Variants in UQCC2 observed in about 807,000 individuals in gnomAD.
UQCC2 encodes the protein ubiquinol-cytochrome c reductase complex assembly factor 2.
Under a neutral mutation model 19.9 loss-of-function variants are expected in UQCC2, and 21 were observed. The ratio of observed to expected loss-of-function variants is 1.05; its 90% CI spans 0.75 to 1.52. The LOEUF (loss-of-function observed/expected upper bound fraction) is 1.52, where lower values mean the gene tolerates loss of function less well. Among genes scored for constraint, UQCC2 ranks in the 40% most tolerant of loss-of-function variants. The pLI, the probability that UQCC2 is intolerant of heterozygous loss-of-function variation, is 0.00. For missense variants in UQCC2, 135 were observed against 157.5 expected (o/e 0.86, Z 0.76); for synonymous variants, 57 against 60.9 (o/e 0.94, Z 0.30).
intron 1 of UQCC2, among the ~76,000 whole-genome samples, chr6:33,707,352 A>C (rs2127337508): frequency 6.6e-6 from 1 of 152,336 alleles, no homozygotes; most frequent in African/African-American, 2.4e-5. Flanking sequence ...CAACGTTGAG[A>C]TGGCTTCACC....
chr6:33,697,937 C>G (rs776394580), intron 3 of UQCC2, 187 bp from the exon 4 acceptor site: 15 of 593,162 alleles, frequency 2.5e-5, no homozygotes, highest in Admixed American at 9.1e-5. Context: ...CTTGCGGGGA[C>G]TGAGCACTGT....
At chr6:33,706,512 A>C (rs1332765546) in intron 1 of UQCC2, among the ~76,000 whole-genome samples, 1 of 152,188 alleles carries the variant, frequency 6.6e-6, no homozygotes, top group Non-Finnish European at 1.5e-5. Context: ...AGATCTGCGG[A>C]GCACGGGCCG....
chr6:33,705,431 T>C (rs1393291884), intron 1 of UQCC2, among the ~76,000 whole-genome samples: 1 of 152,278 alleles, frequency 6.6e-6, no homozygotes, highest in South Asian at 2.1e-4. Context: ...ACCAAACACC[T>C]GAGTCCTAAA....
intron 3 of UQCC2, chr6:33,698,033 G>GC (rs1765588766): frequency 2.3e-6 from 1 of 427,014 alleles, no homozygotes; most frequent in Admixed American, 4.0e-5. Context: ...GCTGCTCGTT[G>GC]CCCTGCTCCG....
At position 33,711,570 on chromosome 6, in the gene UQCC2, A is replaced by G; in HGVS notation, c.117T>C (p.Phe39=). The G allele has an allele frequency of 6.2e-7, 1 of 1,611,094 alleles. No homozygotes were observed. The highest frequency in any genetic ancestry group is 1.3e-5 in the African/African-American group (1 of 74,836). Residue 39 remains phenylalanine (F), a synonymous_variant, in exon 1 of 4, where the codon TTT becomes TTC. Transcript: ENST00000607484. The part of the protein sequence containing the change: ...AYLRQRVAQA[F]REGENTQVAE... ...TCACCTGGGTATTCTCTCCCTCCCG[A>G]AAGGCCTGTGCTACCCGCTGTCGCA...
In UQCC2 at chr6:33,705,033, C is replaced by CTTT. The variant is rs544104803; in HGVS notation, c.139-3616_139-3614dup. Among the ~76,000 whole-genome samples, 260 of 131,280 alleles carry CTTT rather than the reference C, an allele frequency of 2.0e-3. 3 individuals are homozygous for CTTT. The highest frequency in any genetic ancestry group is 6.7e-3 in the African/African-American group (242 of 35,908). The allele number at this position is 131,280 out of a possible 152,430, so 86.1% of individuals were successfully genotyped here. A position where few individuals can be genotyped will look rare whatever the true frequency, so the allele number is the denominator to read the frequency against. ...AAGTGACCCTCAGGTACTCTCACTT[C>CTTT]TTTTTTTTTTTTTTTTTAGATGGAG... On this transcript the variant is annotated intron_variant, in intron 1 of 3. Coordinates refer to ENST00000607484, the MANE Select transcript of UQCC2 (RefSeq NM_032340.4).
intron 1 of UQCC2, among the ~76,000 whole-genome samples, chr6:33,710,774 C>T (rs1765759438): frequency 6.6e-6 from 1 of 152,312 alleles, no homozygotes; most frequent in Admixed American, 6.5e-5. Flanking sequence ...GTTTCCCTAG[C>T]ACCGTTCCAG....
intron 1 of UQCC2, among the ~76,000 whole-genome samples, chr6:33,710,864 A>G (rs1249514828): frequency 1.3e-5 from 2 of 152,228 alleles, no homozygotes; most frequent in East Asian, 3.8e-4. Flanking sequence ...GGAGGAAAGC[A>G]AGAACATAGG....
At chr6:33,708,270 C>A (rs1765722952) in intron 1 of UQCC2, among the ~76,000 whole-genome samples, 1 of 152,188 alleles carries the variant, frequency 6.6e-6, no homozygotes. Context: ...GTTGTTCTAA[C>A]AATAACTTGG....
chr6:33,708,534 G>C (rs896047050), intron 1 of UQCC2, among the ~76,000 whole-genome samples: 16 of 152,210 alleles, frequency 1.1e-4, no homozygotes, highest in Non-Finnish European at 2.4e-4. Flanking sequence ...GACGAAGGAA[G>C]CCAAGAGGCT....
At chr6:33,703,501 G>A (rs1006856352) in intron 1 of UQCC2, among the ~76,000 whole-genome samples, 8 of 151,988 alleles carry the variant, frequency 5.3e-5, no homozygotes, top group African/African-American at 9.7e-5. Flanking sequence ...AGCAGGGGAC[G>A]CTTGGGTGAA....
chr6:33,697,606 T>G lies in UQCC2; in HGVS notation c.*47A>C. Reference sequence around the variant, plus strand: ...GGGGCAGTTTTATTGACGATGGCAATGTACAAGACTCCACACCTAGGTATG... The same window carrying G: ...GGGGCAGTTTTATTGACGATGGCAAGGTACAAGACTCCACACCTAGGTATG... On this transcript the variant is annotated 3_prime_UTR_variant, in exon 4 of 4. Coordinates refer to ENST00000607484, the MANE Select transcript of UQCC2 (RefSeq NM_032340.4). 7.0e-7 allele frequency: 1 copy of G among 1,422,674 alleles called. No individual in the cohort carries two copies. The highest frequency in any genetic ancestry group is 2.1e-5 in the Admixed American group (1 of 47,520). 88.1% of individuals were successfully genotyped at this position (1,422,674 alleles called of 1,614,324 possible).
Position 33,700,532 on chromosome 6 carries a change from AG to A in UQCC2, c.214-20del. 1.2e-6 allele frequency: 2 copies of A among 1,613,518 alleles called. No individual in the cohort carries two copies. Among genetic ancestry groups the A allele is most frequent in the Non-Finnish European group, 1.7e-6 (2 of 1,179,434 alleles). ...GAGGGTACTGGTCACCGGGGCAGAA[AG>A]GAAGTGAAGGGAGGGGAGAGATCAG... On this transcript the variant is annotated intron_variant, in intron 2 of 3. Coordinates refer to ENST00000607484, the MANE Select transcript of UQCC2 (RefSeq NM_032340.4).
chr6:33,702,997 G>C (rs1765657976), intron 1 of UQCC2, among the ~76,000 whole-genome samples: 1 of 152,236 alleles, frequency 6.6e-6, no homozygotes, highest in Admixed American at 6.5e-5. Flanking sequence ...CATCAGAAGA[G>C]GAAGGATTAT....
At chr6:33,709,819 A>C (rs951316424) in intron 1 of UQCC2, among the ~76,000 whole-genome samples, 7 of 151,830 alleles carry the variant, frequency 4.6e-5, no homozygotes, top group Admixed American at 2.0e-4. Context: ...AAGTTTCACA[A>C]GTCATTTCTT....
intron 2 of UQCC2, among the ~76,000 whole-genome samples, chr6:33,700,808 T>C (rs1765631193): frequency 6.6e-6 from 1 of 152,262 alleles, no homozygotes; most frequent in Non-Finnish European, 1.5e-5. Context: ...CTGCTGCTCA[T>C]GGATCACATG....
At chr6:33,704,336 C>T (rs932369538) in intron 1 of UQCC2, among the ~76,000 whole-genome samples, 2 of 152,182 alleles carry the variant, frequency 1.3e-5, no homozygotes, top group South Asian at 2.1e-4. Flanking sequence ...GCGCATGTAC[C>T]GGCAAGGGAG....
intron 1 of UQCC2, among the ~76,000 whole-genome samples, chr6:33,708,221 C>T (rs1313019316): frequency 1.3e-5 from 2 of 152,132 alleles, no homozygotes; most frequent in African/African-American, 2.4e-5. Context: ...GAACGGGCAA[C>T]CAGGGGAAGG....
intron 1 of UQCC2, among the ~76,000 whole-genome samples, chr6:33,702,804 A>G (rs1011963061): frequency 1.3e-5 from 2 of 152,224 alleles, no homozygotes; most frequent in Non-Finnish European, 2.9e-5. Flanking sequence ...CCTTCCTTGG[A>G]GAAGGCAGAG....
Sources: gnomAD v4.1 joint callset for allele counts (sites outside exome capture counted in the v4.1 genomes callset) on GRCh38, gnomAD v4.1.1 for gene constraint, MANE v1.5 for transcripts, NCBI Gene and HGNC (gene_info 2026-07-23, HGNC 2026-07-21) for gene names.